Variants in CTNNA2 observed in about 807,000 individuals in gnomAD.
CTNNA2 encodes the protein catenin alpha-2.
CTNNA2 carries 42 observed loss-of-function variants against 101.0 expected under a neutral mutation model. The observed-to-expected ratio is 0.42, with a 90% CI of 0.32 to 0.54. The LOEUF (loss-of-function observed/expected upper bound fraction) is 0.54, where lower values mean the gene tolerates loss of function less well. Among genes scored for constraint, CTNNA2 ranks in the 20% least tolerant of loss-of-function variants. The pLI, the probability that CTNNA2 is intolerant of heterozygous loss-of-function variation, is 0.14. For missense variants in CTNNA2, 871 were observed against 1,223.1 expected (o/e 0.71, Z 4.29); for synonymous variants, 450 against 456.4 (o/e 0.99, Z 0.18).
At chr2:80,280,180 A>C (rs1429409042) in intron 7 of CTNNA2, among the ~76,000 whole-genome samples, 4 of 150,464 alleles carry the variant, frequency 2.7e-5, no homozygotes, top group Non-Finnish European at 4.4e-5. Flanking sequence ...CAAAACAAAA[A>C]AATGAATTAT....
chr2:80,510,067 A>G (rs1248356075), intron 9 of CTNNA2, among the ~76,000 whole-genome samples: 1 of 152,228 alleles, frequency 6.6e-6, no homozygotes, highest in Non-Finnish European at 1.5e-5. Context: ...AGTAGCCTGC[A>G]GCAGTTAGTA....
chr2:80,586,211 T>G (rs1292214642), intron 14 of CTNNA2: 1 of 152,172 alleles, frequency 6.6e-6, no homozygotes, highest in East Asian at 1.9e-4. Flanking sequence ...TAATAGGAAT[T>G]AATTAGAGAG....
rs1679276639 is a variant in CTNNA2, at chr2:79,835,666, G to GTTTTTTGTTTTTTTTTTTTTTTTTTT, written c.299-22341_299-22340insGTTTTTTTTTTTTTTTTTTTTTTTTT. 5.1e-5 allele frequency among the ~76,000 whole-genome samples: 3 copies of GTTTTTTGTTTTTTTTTTTTTTTTTTT among 58,618 alleles called. 1 individual carries two copies. Among genetic ancestry groups the GTTTTTTGTTTTTTTTTTTTTTTTTTT allele is most frequent in the African/African-American group, 2.2e-4 (3 of 13,684 alleles). 38.5% of individuals were successfully genotyped at this position (58,618 alleles called of 152,430 possible). On this transcript the variant is annotated intron_variant, in intron 3 of 18. Transcript: ENST00000402739. Reference sequence around the variant, plus strand: ...CTGTGCTGCAGAATGGCCTCTCTTTGTTTTTTTTTTTTTTTTTTTTTTTTT... The same window carrying GTTTTTTGTTTTTTTTTTTTTTTTTTT: ...CTGTGCTGCAGAATGGCCTCTCTTTGTTTTTTGTTTTTTTTTTTTTTTTTTTTTTTTTTTTTTTTTTTTTTTTTTTT...
chr2:79,855,660 G>A (rs1339448489), intron 3 of CTNNA2, among the ~76,000 whole-genome samples: 80 of 152,168 alleles, frequency 5.3e-4, no homozygotes, highest in Non-Finnish European at 2.5e-4. Context: ...CTACCTGAGT[G>A]ACCTACTTTT....
At chr2:79,304,266 A>G (rs74484167) in intron 2 of CTNNA2, among the ~76,000 whole-genome samples, 18,094 of 152,212 alleles carry the variant, frequency 0.12, 1,413 homozygotes, top group African/African-American at 0.22. Flanking sequence ...ATGGATGCCA[A>G]GGCAACATAA....
At chr2:80,050,033 C>T (rs1401657174) in intron 7 of CTNNA2, among the ~76,000 whole-genome samples, 1 of 152,054 alleles carries the variant, frequency 6.6e-6, no homozygotes, top group African/African-American at 2.4e-5. Context: ...CTCTTCCCAC[C>T]ACCCCAACAC....
intron 1 of CTNNA2, among the ~76,000 whole-genome samples, chr2:79,610,713 T>C (rs1389258469): frequency 6.6e-6 from 1 of 151,980 alleles, no homozygotes; most frequent in Non-Finnish European, 1.5e-5. Context: ...AGGGATGGGA[T>C]GGAGAGAGGA....
At chr2:80,117,013 T>C (rs1701563446) in intron 7 of CTNNA2, among the ~76,000 whole-genome samples, 1 of 151,886 alleles carries the variant, frequency 6.6e-6, no homozygotes, top group Non-Finnish European at 1.5e-5. Context: ...TTGGAAGTTC[T>C]GGGAATTGGG....
chr2:80,215,191 C>A (rs537418595), intron 7 of CTNNA2, among the ~76,000 whole-genome samples: 3 of 152,066 alleles, frequency 2.0e-5, no homozygotes, highest in African/African-American at 7.2e-5. Context: ...AGCTTCTTTA[C>A]AATGGGTTAG....
chr2:79,292,952 G>A (rs935929095), intron 2 of CTNNA2: 3 of 152,348 alleles, frequency 2.0e-5, no homozygotes, highest in Non-Finnish European at 4.4e-5. Context: ...GTGGTAGAAT[G>A]TTAAGGTCCA....
chr2:80,334,751 A>G (rs2149268561), intron 7 of CTNNA2, among the ~76,000 whole-genome samples: 1 of 152,194 alleles, frequency 6.6e-6, no homozygotes, highest in East Asian at 1.9e-4. Context: ...TCTAATAATT[A>G]TAATTGAATT....
chr2:79,689,463 A>G (rs1177492221), intron 2 of CTNNA2, among the ~76,000 whole-genome samples: 1 of 152,062 alleles, frequency 6.6e-6, no homozygotes, highest in African/African-American at 2.4e-5. Flanking sequence ...TTAAGATGCC[A>G]TGTTCCTTCT....
intron 7 of CTNNA2, among the ~76,000 whole-genome samples, chr2:80,358,490 A>G (rs553032090): frequency 6.6e-6 from 1 of 151,754 alleles, no homozygotes; most frequent in South Asian, 2.1e-4. Context: ...AGCTGGAATT[A>G]CAGGTGCCCA....
Position 79,894,050 on chromosome 2 carries a change from CTTCTTCTTCT to C in CTNNA2, c.853-15542_853-15533del, listed in dbSNP as rs1558619627. Among the ~76,000 whole-genome samples, 211 of 123,432 alleles carry C rather than the reference CTTCTTCTTCT, an allele frequency of 1.7e-3. 1 individual carries two copies. Among genetic ancestry groups the C allele is most frequent in the African/African-American group, 5.6e-3 (202 of 36,304 alleles). 81.0% of individuals were successfully genotyped at this position (123,432 alleles called of 152,430 possible). The stretch of plus-strand genomic sequence containing the variant: ...TCTTCTTCTTCTTCTTCTTCTTCTT[CTTCTTCTTCT>C]TCTTCCTCCTCCTCCTCCTCCTTCT... On this transcript the variant is annotated intron_variant, in intron 6 of 18. Coordinates refer to ENST00000402739, the MANE Select transcript of CTNNA2 (RefSeq NM_001282597.3).
intron 2 of CTNNA2, among the ~76,000 whole-genome samples, chr2:79,668,425 G>GTTTT: frequency 1.3e-5 from 2 of 151,660 alleles, no homozygotes; most frequent in East Asian, 1.9e-4. Flanking sequence ...AACTCTGTTA[G>GTTTT]TTTTTTTTAA....
chr2:79,753,861 T>C (rs1211639351), intron 3 of CTNNA2, among the ~76,000 whole-genome samples: 4 of 141,888 alleles, frequency 2.8e-5, no homozygotes, highest in East Asian at 2.0e-4. Flanking sequence ...TCTTTTCTTT[T>C]TCTCTCTTTT....
At chr2:79,275,062 G>T (rs2104313060) in intron 2 of CTNNA2, among the ~76,000 whole-genome samples, 1 of 152,172 alleles carries the variant, frequency 6.6e-6, no homozygotes, top group Non-Finnish European at 1.5e-5. Context: ...AAAGAAAGGG[G>T]CTCCAGTGGG....
At chr2:79,414,657 T>C (rs966113974) in intron 4 of CTNNA2, among the ~76,000 whole-genome samples, 7 of 152,128 alleles carry the variant, frequency 4.6e-5, no homozygotes, top group African/African-American at 1.7e-4. Flanking sequence ...AATGATGTTA[T>C]GCAGCATCTG....
intron 7 of CTNNA2, among the ~76,000 whole-genome samples, chr2:79,995,874 G>A (rs1163135109): frequency 6.6e-6 from 1 of 152,158 alleles, no homozygotes. Context: ...TGTAGCTAAT[G>A]TTTGATTTTA....
Sources: allele counts gnomAD v4.1 joint callset (sites outside exome capture counted in the v4.1 genomes callset), GRCh38; gene constraint gnomAD v4.1.1; transcripts MANE v1.5; gene names NCBI Gene and HGNC (gene_info 2026-07-23, HGNC 2026-07-21).